Variants in GLO1 observed in about 807,000 individuals in gnomAD.
The protein encoded by GLO1 is glyoxalase I, also known as lactoylglutathione lyase.
A neutral mutation model predicts 26.0 loss-of-function variants in GLO1; 28 were observed. That is an observed-to-expected ratio of 1.08 (90% CI 0.80 to 1.48). The LOEUF is 1.48. GLO1 is among the 40% of genes most tolerant of loss of function. The pLI is 0.00. For missense variants in GLO1, 225 were observed against 224.8 expected (o/e 1.00, Z -0.01); for synonymous variants, 78 against 77.6 (o/e 1.00, Z -0.03).
In GLO1 at chr6:38,682,077, T is replaced by A; in HGVS notation, c.401A>T (p.Asp134Val). The A allele has an allele frequency of 6.3e-7, 1 of 1,590,840 alleles. No individual in the cohort carries two copies. The highest frequency in any genetic ancestry group is 8.6e-7 in the Non-Finnish European group (1 of 1,158,818). The change falls in exon 5 of 6, where the codon GAT becomes GTT. Residue 134 changes from aspartate to valine, a missense_variant. Coordinates refer to ENST00000373365, the MANE Select transcript of GLO1 (RefSeq NM_006708.3). The part of the protein sequence containing the change: ...GFGHIGIAVP[D>V]VYSACKRFEE... The stretch of plus-strand genomic sequence containing the variant: ...AAACCTTTTACAAGCACTGTATACA[T>A]CAGGAACAGCAATTCCAATATGACC...
intron 1 of GLO1, among the ~76,000 whole-genome samples, chr6:38,689,565 C>T (rs1286247822): frequency 6.6e-6 from 1 of 152,188 alleles, no homozygotes; most frequent in Non-Finnish European, 1.5e-5. Context: ...CAAAGTTAGA[C>T]AACCTTAACT....
At chr6:38,693,182 A>G (rs75203003) in intron 1 of GLO1, among the ~76,000 whole-genome samples, 2,047 of 152,282 alleles carry the variant, frequency 0.013, 44 homozygotes, top group African/African-American at 0.046. Context: ...GAAGTTTGTT[A>G]ATCATAAATT....
Position 38,677,259 on chromosome 6 carries a change from T to G in GLO1, c.*36A>C. 1 of 938,334 alleles carries G rather than the reference T, an allele frequency of 1.1e-6. No individual in the cohort carries two copies. Among genetic ancestry groups the G allele is most frequent in the Non-Finnish European group, 1.8e-6 (1 of 563,732 alleles). 58.1% of individuals were successfully genotyped at this position (938,334 alleles called of 1,614,324 possible). ...AAATATCTTGAATCACATTGTTTCCTTTCTTCTGAAATCTCAAAGGAGAAT... is the reference window on the plus strand; with the variant it reads ...AAATATCTTGAATCACATTGTTTCCGTTCTTCTGAAATCTCAAAGGAGAAT... On this transcript the variant is annotated 3_prime_UTR_variant, in exon 6 of 6. Transcript: ENST00000373365.
At chr6:38,700,309 C>T (rs1322901794) in intron 1 of GLO1, among the ~76,000 whole-genome samples, 1 of 152,248 alleles carries the variant, frequency 6.6e-6, no homozygotes, top group Non-Finnish European at 1.5e-5. Context: ...GGCATAGGCC[C>T]ATCACCACCA....
intron 5 of GLO1, among the ~76,000 whole-genome samples, chr6:38,681,476 T>C (rs541578172): frequency 1.8e-3 from 269 of 152,338 alleles, no homozygotes; most frequent in Non-Finnish European, 3.1e-3. Context: ...TAATTTGAAA[T>C]AGTTCAGAAA....
At chr6:38,685,895 T>C (rs1761454485) in intron 2 of GLO1, among the ~76,000 whole-genome samples, 1 of 152,200 alleles carries the variant, frequency 6.6e-6, no homozygotes, top group South Asian at 2.1e-4. Flanking sequence ...CCCTGCCATA[T>C]GCCAACTGTG....
chr6:38,701,592 A>G (rs1379196492), intron 1 of GLO1, among the ~76,000 whole-genome samples: 1 of 152,202 alleles, frequency 6.6e-6, no homozygotes, highest in Non-Finnish European at 1.5e-5. Flanking sequence ...TGAAAAAACC[A>G]GGTATTAATA....
Position 38,687,976 on chromosome 6 carries a change from C to T in GLO1, c.85-1002G>A, listed in dbSNP as rs183608443. Among the ~76,000 whole-genome samples, 228 of 152,038 alleles carry T rather than the reference C, an allele frequency of 1.5e-3. 4 individuals are homozygous for T. The highest frequency in any genetic ancestry group is 5.4e-3 in the African/African-American group (223 of 41,464). On this transcript the variant is annotated intron_variant, in intron 1 of 5. Coordinates refer to ENST00000373365, the MANE Select transcript of GLO1 (RefSeq NM_006708.3). ...GACCACTTACTTTGGAGCCACATGC[C>T]ATCTTTCTCCTATATAACTCACATC...
intron 2 of GLO1, among the ~76,000 whole-genome samples, chr6:38,685,004 A>G (rs1761441568): frequency 6.6e-6 from 1 of 152,256 alleles, no homozygotes; most frequent in South Asian, 2.1e-4. Flanking sequence ...ACAGACTAGT[A>G]TCACAGAAGA....
At chr6:38,701,928 ATTTTTTT>A (rs555631797) in intron 1 of GLO1, among the ~76,000 whole-genome samples, 2 of 137,156 alleles carry the variant, frequency 1.5e-5, no homozygotes, top group African/African-American at 2.7e-5. Context: ...CTGTGCCTGA[ATTTTTTT>A]TTTTTTTTTT....
At chr6:38,690,982 A>T (rs561900907) in intron 1 of GLO1, among the ~76,000 whole-genome samples, 1 of 152,290 alleles carries the variant, frequency 6.6e-6, no homozygotes, top group South Asian at 2.1e-4. Flanking sequence ...GTTCCTAAAA[A>T]TTATTGCTTT....
rs1019397103 is a variant in GLO1 at position 38,677,056 on chromosome 6, T to A, written c.*239A>T. 2 of 488,460 alleles carry A rather than the reference T, an allele frequency of 4.1e-6. No homozygotes were observed. Among genetic ancestry groups the A allele is most frequent in the Admixed American group, 3.9e-5 (1 of 25,530 alleles). The allele number at this position is 488,460 out of a possible 1,614,324, so 30.3% of individuals were successfully genotyped here. On this transcript the variant is annotated 3_prime_UTR_variant, in exon 6 of 6. Transcript: ENST00000373365. ...CTCTGAAGGGAACTGTTCTAATTAT[T>A]ACCTAAAAAATAAAGTTACACAACT...
intron 3 of GLO1, among the ~76,000 whole-genome samples, chr6:38,684,127 G>C (rs939301865): frequency 6.6e-6 from 1 of 152,108 alleles, no homozygotes; most frequent in Non-Finnish European, 1.5e-5. Flanking sequence ...AGGAGGCTGA[G>C]GCAGGAAGAC....
chr6:38,697,281 T>G (rs1761625873), intron 1 of GLO1, among the ~76,000 whole-genome samples: 2 of 152,198 alleles, frequency 1.3e-5, no homozygotes. Context: ...AGGCCATACA[T>G]GGTGCCAGTT....
Position 38,677,324 on chromosome 6 carries a change from T to G in GLO1, c.526A>C (p.Asn176His). 6.5e-7 allele frequency: 1 copy of G among 1,548,228 alleles called. No individual in the cohort carries two copies. The highest frequency in any genetic ancestry group is 8.9e-7 in the Non-Finnish European group (1 of 1,119,940). ...ATTAAGGTTGCCATTTTGTTAGGAT[T>G]CAAAATTTCAATCCAGTAGCCATCA... ...DPDGYWIEIL[N>H]PNKMATLM Residue 176 changes from asparagine (N) to histidine (H), a missense_variant, in exon 6 of 6, where the codon AAT becomes CAT. By Grantham distance (68) the Asn-to-His change is moderately conservative. Coordinates refer to ENST00000373365, the MANE Select transcript of GLO1 (RefSeq NM_006708.3).
chr6:38,693,269 T>C (rs1368839226), intron 1 of GLO1, among the ~76,000 whole-genome samples: 1 of 152,196 alleles, frequency 6.6e-6, no homozygotes, highest in Non-Finnish European at 1.5e-5. Context: ...GTTGTCAAAT[T>C]TATGTATACA....
chr6:38,694,888 A>C (rs1342943132), intron 1 of GLO1, among the ~76,000 whole-genome samples: 1 of 152,190 alleles, frequency 6.6e-6, no homozygotes. Flanking sequence ...TTTGCCCCAA[A>C]GTCTACTTTA....
rs1265661864 is a variant in GLO1 at position 38,677,329 on chromosome 6, A to C, written c.521T>G (p.Ile174Ser). The part of the protein sequence containing the change: ...IQDPDGYWIE[I>S]LNPNKMATLM The stretch of plus-strand genomic sequence containing the variant: ...GGTTGCCATTTTGTTAGGATTCAAA[A>C]TTTCAATCCAGTAGCCATCAGGATC... Residue 174 changes from isoleucine to serine, a missense_variant, in exon 6 of 6, where the codon ATT becomes AGT. Coordinates refer to ENST00000373365, the MANE Select transcript of GLO1 (RefSeq NM_006708.3). The C allele has an allele frequency of 3.2e-6, 5 of 1,566,376 alleles. No homozygotes were observed. Among genetic ancestry groups the C allele is most frequent in the Non-Finnish European group, 4.4e-6 (5 of 1,136,520 alleles).
chr6:38,702,908 G>A (rs1761726591), intron 1 of GLO1, 63 bp downstream of exon 1: 1 of 941,618 alleles, frequency 1.1e-6, no homozygotes, highest in Admixed American at 2.0e-5. Context: ...GGGTTGGATA[G>A]AATGCGGCCC....
Sources: allele counts gnomAD v4.1 joint callset (sites outside exome capture counted in the v4.1 genomes callset), GRCh38; gene constraint gnomAD v4.1.1; transcripts MANE v1.5; gene names NCBI Gene and HGNC (gene_info 2026-07-23, HGNC 2026-07-21).